The following APP variants were observed in gnomAD, a reference collection of about 807,000 sequenced individuals.
APP encodes amyloid-beta precursor protein.
Under a neutral mutation model 101.4 loss-of-function variants are expected in APP, and 31 were observed. The observed-to-expected ratio is 0.31, with a 90% CI of 0.23 to 0.41. The LOEUF (loss-of-function observed/expected upper bound fraction) is 0.41. Ranked by LOEUF, APP falls within the 10% of genes least tolerant of loss-of-function variation. The pLI, the probability that APP is intolerant of heterozygous loss-of-function variation, is 1.00. For synonymous variants in APP, 366 were observed against 364.4 expected, an observed-to-expected ratio of 1.00 and a Z score of -0.05; for missense variants, 839 against 1,003.7, an observed-to-expected ratio of 0.84 and a Z score of 2.22.
At chr21:26,002,556 T>C (rs1233176814) in intron 6 of APP, among the ~76,000 whole-genome samples, 1 of 152,232 alleles carries the variant, frequency 6.6e-6, no homozygotes, top group Non-Finnish European at 1.5e-5. Flanking sequence ...ATACCCATTA[T>C]TAATCTCTTA....
Position 26,138,608 on chromosome 21 carries a change from G to A in APP, c.58-26462C>T, listed in dbSNP as rs369132641. Among the ~76,000 whole-genome samples, 4 of 151,984 alleles carry A rather than the reference G, an allele frequency of 2.6e-5. No individual in the cohort carries two copies. In the East Asian group the frequency reaches 5.8e-4, roughly 22 times the overall value. ...CTTAGGAGGCTGAGGCGGGAGGATC[G>A]CTTGAGACAAGGAGGTTAAGGCTAC... On this transcript the variant is annotated intron_variant, in intron 1 of 17. Coordinates refer to ENST00000346798, the MANE Select transcript of APP (RefSeq NM_000484.4).
intron 1 of APP, among the ~76,000 whole-genome samples, chr21:26,165,480 C>T (rs941823715): frequency 5.3e-5 from 8 of 152,252 alleles, no homozygotes; most frequent in African/African-American, 1.9e-4. Flanking sequence ...CCCATGCATT[C>T]CTGCCCTGGT....
intron 17 of APP, among the ~76,000 whole-genome samples, chr21:25,888,638 G>A (rs1239073186): frequency 1.3e-5 from 2 of 151,660 alleles, no homozygotes; most frequent in Non-Finnish European, 2.9e-5. Context: ...GAGAAGAGCT[G>A]AACAGCCATC....
rs560872709 is a variant in APP, at chr21:25,887,751, A to G, written c.2211+3971T>C. On this transcript the variant is annotated intron_variant, in intron 17 of 17. Transcript: ENST00000346798. The stretch of plus-strand genomic sequence containing the variant: ...AACTGTCTATAGTATTCAGTGCAGC[A>G]ATATGCTGCACAGGTGTGGAGCCTA... Among the ~76,000 whole-genome samples the G allele has an allele frequency of 3.9e-5, 6 of 152,288 alleles. No homozygotes were observed. The East Asian group carries it at 1.2e-3, about 29-fold the overall frequency.
intron 8 of APP, among the ~76,000 whole-genome samples, chr21:25,996,893 G>A (rs532620729): frequency 3.7e-4 from 56 of 152,264 alleles, no homozygotes; most frequent in Non-Finnish European, 5.9e-4. Flanking sequence ...TCCAAAATTT[G>A]AGATGGTTGC....
chr21:26,117,326 T>G (rs1246093871), intron 1 of APP, among the ~76,000 whole-genome samples: 2 of 152,260 alleles, frequency 1.3e-5, no homozygotes, highest in East Asian at 3.8e-4. Flanking sequence ...TTGTCAAATG[T>G]AAAGAACTAT....
chr21:25,917,166 C>T (rs746300601), intron 13 of APP, among the ~76,000 whole-genome samples: 16 of 149,070 alleles, frequency 1.1e-4, no homozygotes, highest in East Asian at 4.0e-4. Flanking sequence ...GAGGCTAAGG[C>T]GGGAGAATTG....
intron 8 of APP, among the ~76,000 whole-genome samples, chr21:25,992,130 C>T (rs145637235): frequency 4.9e-4 from 75 of 152,316 alleles, no homozygotes; most frequent in African/African-American, 1.5e-3. Context: ...CACGTGTAAT[C>T]GAAGTACTTC....
chr21:25,900,040 T>C (rs941296891), intron 15 of APP, among the ~76,000 whole-genome samples: 1 of 151,364 alleles, frequency 6.6e-6, no homozygotes, highest in Non-Finnish European at 1.5e-5. Flanking sequence ...TACTTTAATA[T>C]TGTTAAGTAT....
At chr21:25,896,466 C>T (rs2038056432) in intron 16 of APP, among the ~76,000 whole-genome samples, 1 of 151,924 alleles carries the variant, frequency 6.6e-6, no homozygotes, top group African/African-American at 2.4e-5. Context: ...CCTGAGATAA[C>T]TTTAAGTATT....
intron 1 of APP, 80 bp downstream of exon 1, chr21:26,170,484 A>T: frequency 1.4e-6 from 2 of 1,446,732 alleles, no homozygotes; most frequent in Non-Finnish European, 1.9e-6. Context: ...TCTCTGCATT[A>T]AAGACTTGGG....
chr21:25,928,370 C>CAAACAAAA (rs915161994), intron 13 of APP, among the ~76,000 whole-genome samples: 4 of 151,420 alleles, frequency 2.6e-5, no homozygotes, highest in African/African-American at 9.7e-5. Context: ...AACAAACAAA[C>CAAACAAAA]AAAAAAACCA....
intron 1 of APP, among the ~76,000 whole-genome samples, chr21:26,150,455 T>C (rs954227716): frequency 6.6e-5 from 10 of 152,146 alleles, no homozygotes; most frequent in Admixed American, 3.3e-4. Context: ...AATTAGTACT[T>C]TGCTGAAATG....
intron 11 of APP, among the ~76,000 whole-genome samples, chr21:25,958,842 A>G (rs2041449644): frequency 1.3e-5 from 2 of 152,136 alleles, no homozygotes; most frequent in South Asian, 4.1e-4. Context: ...TCTGAATGAG[A>G]CAGTATATTA....
At chr21:25,940,496 C>A (rs1373972452) in intron 13 of APP, among the ~76,000 whole-genome samples, 3 of 152,062 alleles carry the variant, frequency 2.0e-5, no homozygotes, top group Non-Finnish European at 4.4e-5. Context: ...TACCAATTGG[C>A]CATAATTTTT....
At chr21:25,916,411 A>ACATACCC (rs1378363729) in intron 13 of APP, among the ~76,000 whole-genome samples, 1 of 152,244 alleles carries the variant, frequency 6.6e-6, no homozygotes, top group Non-Finnish European at 1.5e-5. Flanking sequence ...CTACCTGTAG[A>ACATACCC]CATGACTAAG....
chr21:26,006,885 G>C (rs1322341247), intron 6 of APP, among the ~76,000 whole-genome samples: 1 of 152,032 alleles, frequency 6.6e-6, no homozygotes, highest in East Asian at 1.9e-4. Flanking sequence ...ATAAAGCAAA[G>C]CTGGTTATTA....
intron 13 of APP, among the ~76,000 whole-genome samples, chr21:25,917,106 C>G (rs1325929910): frequency 3.9e-5 from 6 of 151,952 alleles, no homozygotes; most frequent in Non-Finnish European, 8.8e-5. Context: ...ACTAAAAATA[C>G]AAAAATTAGC....
chr21:25,968,322 C>CTTTT (rs34021818), intron 11 of APP, among the ~76,000 whole-genome samples: 29 of 113,834 alleles, frequency 2.5e-4, no homozygotes, highest in East Asian at 5.1e-4. Flanking sequence ...TTAAAAAAAT[C>CTTTT]TTTTTTTTTT....
Sources: allele counts gnomAD v4.1 joint callset (sites outside exome capture counted in the v4.1 genomes callset), GRCh38; gene constraint gnomAD v4.1.1; transcripts MANE v1.5; gene names NCBI Gene and HGNC (gene_info 2026-07-23, HGNC 2026-07-21).